Variants in TTBK2 observed in about 807,000 individuals in gnomAD.
The protein encoded by TTBK2 is tau tubulin kinase 2, also known as tau-tubulin kinase 2.
In TTBK2, 28 loss-of-function variants were observed where a neutral mutation model predicts 110.8. The ratio of observed to expected loss-of-function variants is 0.25; its 90% CI spans 0.19 to 0.35. TTBK2 has a LOEUF of 0.35. Ranked by LOEUF, TTBK2 falls within the 10% of genes least tolerant of loss-of-function variation. The pLI is 1.00. For synonymous variants in TTBK2, 532 were observed against 527.3 expected (o/e 1.01, Z -0.12); for missense variants, 1,369 against 1,500.3 (o/e 0.91, Z 1.45).
At chr15:42,913,863 T>C (rs1384862235) in intron 1 of TTBK2, among the ~76,000 whole-genome samples, 1 of 152,132 alleles carries the variant, frequency 6.6e-6, no homozygotes, top group Non-Finnish European at 1.5e-5. Context: ...AAATCTACTA[T>C]AACCAAATCA....
chr15:42,906,884 C>CAA (rs372500816), intron 1 of TTBK2, among the ~76,000 whole-genome samples: 1 of 146,346 alleles, frequency 6.8e-6, no homozygotes, highest in African/African-American at 2.5e-5. Flanking sequence ...GGACATTTCT[C>CAA]AAAAAAAAAA....
At chr15:42,815,072 C>T (rs1441380297) in intron 7 of TTBK2, among the ~76,000 whole-genome samples, 1 of 152,030 alleles carries the variant, frequency 6.6e-6, no homozygotes, top group Admixed American at 6.6e-5. Context: ...AATGTATTTT[C>T]ACAGATTCCA....
At chr15:42,865,513 T>TAAAAAAA (rs60116704) in intron 3 of TTBK2, among the ~76,000 whole-genome samples, 7 of 109,276 alleles carry the variant, frequency 6.4e-5, no homozygotes, top group African/African-American at 2.4e-4. Flanking sequence ...ATAATAATAC[T>TAAAAAAA]AAAAAAAAAA....
chr15:42,779,506 T>C (rs2140784671), intron 11 of TTBK2, among the ~76,000 whole-genome samples: 1 of 152,018 alleles, frequency 6.6e-6, no homozygotes, highest in Non-Finnish European at 1.5e-5. Flanking sequence ...TAAGTACATT[T>C]ATAGATAAGA....
chr15:42,758,647 T>A (rs1187859334), intron 13 of TTBK2, among the ~76,000 whole-genome samples: 11 of 115,830 alleles, frequency 9.5e-5, no homozygotes, highest in African/African-American at 4.4e-4. Context: ...AAAGTGAGAT[T>A]CCATCTCAAA....
At chr15:42,896,195 G>A (rs1895659797) in intron 1 of TTBK2, among the ~76,000 whole-genome samples, 1 of 152,046 alleles carries the variant, frequency 6.6e-6, no homozygotes, top group African/African-American at 2.4e-5. Flanking sequence ...GGGTATGGTG[G>A]CACATGCCTG....
At chr15:42,802,974 G>A (rs1290745000) in intron 9 of TTBK2, among the ~76,000 whole-genome samples, 1 of 152,178 alleles carries the variant, frequency 6.6e-6, no homozygotes, top group East Asian at 1.9e-4. Context: ...GATGCTTCCT[G>A]TCCTCCAACA....
At chr15:42,843,874 C>T (rs908817327) in intron 3 of TTBK2, among the ~76,000 whole-genome samples, 3 of 151,666 alleles carry the variant, frequency 2.0e-5, no homozygotes, top group African/African-American at 7.3e-5. Flanking sequence ...GACCAACTGA[C>T]ACCACCCAGG....
Position 42,752,686 on chromosome 15 carries a change from T to C in TTBK2, c.2560A>G (p.Ile854Val). 1 of 1,614,162 alleles carries C rather than the reference T, an allele frequency of 6.2e-7. No homozygotes were observed. Among genetic ancestry groups the C allele is most frequent in the Non-Finnish European group, 8.5e-7 (1 of 1,180,038 alleles). The change falls in exon 14 of 15, where the codon ATT becomes GTT. Residue 854 changes from isoleucine to valine, a missense_variant. By Grantham distance (29) the Ile-to-Val change is conservative. Around this residue, in one of 4 missense-constraint regions of TTBK2, gnomAD observed 1,097 missense variants for 1,114.7 expected, o/e 0.98. Transcript: ENST00000267890. ...TGTGGGTCAATGTCTCTGGAAGAAA[T>C]TTCTGAAGTTCCAACTGTCAGAAGC... ...MKLLTVGTSE[I>V]SSRDIDPHVE...
At chr15:42,761,983 T>C (rs552832926) in intron 13 of TTBK2, among the ~76,000 whole-genome samples, 1 of 152,288 alleles carries the variant, frequency 6.6e-6, no homozygotes, top group Non-Finnish European at 1.5e-5. Context: ...TGAGTAAGTC[T>C]CATGAGATCT....
chr15:42,905,068 C>T (rs988531181), intron 1 of TTBK2, among the ~76,000 whole-genome samples: 1 of 151,976 alleles, frequency 6.6e-6, no homozygotes, highest in Non-Finnish European at 1.5e-5. Flanking sequence ...CACAGGATTT[C>T]GCCATGTTGG....
intron 4 of TTBK2, among the ~76,000 whole-genome samples, chr15:42,833,941 G>A (rs1402750683): frequency 6.6e-6 from 1 of 152,122 alleles, no homozygotes; most frequent in African/African-American, 2.4e-5. Context: ...AACCCGGGAG[G>A]TGGAGGTTGC....
intron 1 of TTBK2, among the ~76,000 whole-genome samples, chr15:42,895,583 A>G (rs188354094): frequency 0.015 from 2,269 of 151,164 alleles, 158 homozygotes; most frequent in Admixed American, 0.12. Context: ...TGTCACCCAG[A>G]CTGGAGTGCA....
At position 42,746,267 on chromosome 15, in the gene TTBK2, A is replaced by G; in HGVS notation, c.3273-10T>C. ...TTTATATCTGCGTAGCCTTAAAAGA[A>G]CAGAGAAAATATATTTTAATTTTAA... On this transcript the variant is annotated splice_polypyrimidine_tract_variant and intron_variant, in intron 14 of 14. Coordinates refer to ENST00000267890, the MANE Select transcript of TTBK2 (RefSeq NM_173500.4). The G allele has an allele frequency of 6.3e-7, 1 of 1,591,826 alleles. No homozygotes were observed. The highest frequency in any genetic ancestry group is 8.6e-7 in the Non-Finnish European group (1 of 1,162,706).
At chr15:42,892,335 A>G (rs527602551) in intron 1 of TTBK2, among the ~76,000 whole-genome samples, 1 of 152,292 alleles carries the variant, frequency 6.6e-6, no homozygotes, top group South Asian at 2.1e-4. Context: ...CTGATTTTAT[A>G]CTACTAGAGC....
At chr15:42,893,290 T>C (rs1264201932) in intron 1 of TTBK2, among the ~76,000 whole-genome samples, 2 of 151,978 alleles carry the variant, frequency 1.3e-5, no homozygotes, top group Non-Finnish European at 2.9e-5. Flanking sequence ...GGCCAGGAGT[T>C]CAAGACCAGC....
At chr15:42,857,823 C>T (rs1894004733) in intron 3 of TTBK2, among the ~76,000 whole-genome samples, 1 of 152,056 alleles carries the variant, frequency 6.6e-6, no homozygotes, top group African/African-American at 2.4e-5. Context: ...TGGCTCACAT[C>T]TGTAATCCCA....
At chr15:42,875,639 G>A (rs992096168) in intron 2 of TTBK2, among the ~76,000 whole-genome samples, 2 of 151,998 alleles carry the variant, frequency 1.3e-5, no homozygotes, top group African/African-American at 4.8e-5. Context: ...AGGCACAGTG[G>A]CTCACATCTG....
chr15:42,804,262 T>C (rs532718768), intron 9 of TTBK2, among the ~76,000 whole-genome samples: 1 of 151,950 alleles, frequency 6.6e-6, no homozygotes, highest in African/African-American at 2.4e-5. Flanking sequence ...CTGACCAACA[T>C]GGTGAAACCC....
Sources: allele counts gnomAD v4.1 joint callset (sites outside exome capture counted in the v4.1 genomes callset), GRCh38; gene constraint gnomAD v4.1.1; regional missense constraint gnomAD v4.1.1; transcripts MANE v1.5; gene names NCBI Gene and HGNC (gene_info 2026-07-23, HGNC 2026-07-21).